The following SARS1 variants were observed in gnomAD, a reference collection of about 807,000 sequenced individuals.
SARS1 encodes the protein serine--tRNA ligase, cytoplasmic.
Under a neutral mutation model 63.7 loss-of-function variants are expected in SARS1, and 25 were observed. The ratio of observed to expected loss-of-function variants is 0.39; its 90% CI spans 0.29 to 0.55. The LOEUF is 0.55. Ranked by LOEUF, SARS1 falls within the 20% of genes least tolerant of loss-of-function variation. The pLI, the probability that SARS1 is intolerant of heterozygous loss-of-function variation, is 0.62. For missense variants in SARS1, 417 were observed against 649.7 expected (o/e 0.64, Z 3.89); for synonymous variants, 231 against 243.5 (o/e 0.95, Z 0.48).
intron 2 of SARS1, among the ~76,000 whole-genome samples, chr1:109,225,951 G>C (rs1655056886): frequency 6.6e-6 from 1 of 152,058 alleles, no homozygotes; most frequent in Non-Finnish European, 1.5e-5. Flanking sequence ...TCTGTAGTCT[G>C]TTCTTATCAA....
Position 109,237,799 on chromosome 1 carries a change from A to C in SARS1, c.1456A>C (p.Lys486Gln), listed in dbSNP as rs143565692. 6.3e-5 allele frequency: 102 copies of C among 1,614,082 alleles called. No individual in the cohort carries two copies. Among genetic ancestry groups the C allele is most frequent in the Non-Finnish European group, 7.5e-5 (89 of 1,180,030 alleles). ...GCAGGAGCCATCAAAGAAGCAGAAG[A>C]AGCAACATGAGGGCAGCAAAAAGAA... ...IEQEPSKKQKKQHEGSKKKAA... is the reference protein window; with the variant it reads ...IEQEPSKKQKQQHEGSKKKAA... Residue 486 changes from lysine (K) to glutamine (Q), a missense_variant, in exon 11 of 11, where the codon AAG (lysine) becomes CAG (glutamine). This residue lies in a region of SARS1 where 43 missense variants were observed against 68.1 expected (regional missense o/e 0.63). Coordinates refer to ENST00000234677, the MANE Select transcript of SARS1 (RefSeq NM_006513.4). This position sits in a 1 kb window ranked among gnomAD's most constrained non-coding sequence, Gnocchi z 4.1.
In SARS1 at chr1:109,235,400, G is replaced by C. The variant is rs550181025; in HGVS notation, c.938G>C (p.Arg313Pro). The change falls in exon 7 of 11, where the codon CGT becomes CCT. Residue 313 changes from arginine to proline, a missense_variant. Arg to Pro is a moderately radical substitution (Grantham distance 103). Coordinates refer to ENST00000234677, the MANE Select transcript of SARS1 (RefSeq NM_006513.4). The surrounding 1 kb of genome is among the most constrained non-coding windows in gnomAD (Gnocchi z 4.7). ...GTGGGCTCCCATGGCCGTGACACCCGTGGCATCTTCCGAGTCCATCAGTTT... is the reference window on the plus strand; with the variant it reads ...GTGGGCTCCCATGGCCGTGACACCCCTGGCATCTTCCGAGTCCATCAGTTT... ...QEVGSHGRDT[R>P]GIFRVHQFEK... 6.2e-7 allele frequency: 1 copy of C among 1,613,598 alleles called. No homozygotes were observed.
intron 2 of SARS1, among the ~76,000 whole-genome samples, chr1:109,225,633 C>T (rs931537910): frequency 4.6e-5 from 7 of 152,202 alleles, no homozygotes; most frequent in African/African-American, 1.4e-4. Context: ...GTAGAGCACT[C>T]GAAAGCATTC....
Position 109,213,924 on chromosome 1 carries a change from C to A in SARS1, c.-69C>A, listed in dbSNP as rs559313056. On this transcript the variant is annotated 5_prime_UTR_variant, in exon 1 of 11. Coordinates refer to ENST00000234677, the MANE Select transcript of SARS1 (RefSeq NM_006513.4). ...GGCGGGTCAGCGCGCCGGCGCAGTG[C>A]GGCGGTCACAGGCTGAGTGCTGCGG... is the stretch of plus-strand genomic sequence containing the variant. 2 of 1,500,916 alleles carry A rather than the reference C, an allele frequency of 1.3e-6. No homozygotes were observed. Among genetic ancestry groups the A allele is most frequent in the South Asian group, 1.3e-5 (1 of 76,508 alleles). The allele number at this position is 1,500,916 out of a possible 1,614,324, so 93.0% of individuals were successfully genotyped here. A position where few individuals can be genotyped will look rare whatever the true frequency, so the allele number is the denominator to read the frequency against.
At position 109,214,332 on chromosome 1, in the gene SARS1, A is replaced by C. The variant is rs1439579063; in HGVS notation, c.136+204A>C. On this transcript the variant is annotated intron_variant, in intron 1 of 10. Transcript: ENST00000234677. This position sits in a 1 kb window ranked among gnomAD's most constrained non-coding sequence, Gnocchi z 4.6. ...CTTTCTCCTCCACCCGGGCGGAGCGAGGTCCCTTCCACGCGTGCTCAGTGC... is the reference window on the plus strand; with the variant it reads ...CTTTCTCCTCCACCCGGGCGGAGCGCGGTCCCTTCCACGCGTGCTCAGTGC... 6.6e-6 allele frequency among the ~76,000 whole-genome samples: 1 copy of C among 152,192 alleles called. No homozygotes were observed. Among genetic ancestry groups the C allele is most frequent in the African/African-American group, 2.4e-5 (1 of 41,452 alleles).
Position 109,235,996 on chromosome 1 carries a change from C to A in SARS1, c.989C>A (p.Ser330Ter). The change falls in exon 8 of 11, where the codon TCA (serine) becomes TAA (stop). Residue 330 changes from serine (S) to a stop codon, truncating the protein, a stop_gained. Coordinates refer to ENST00000234677, the MANE Select transcript of SARS1 (RefSeq NM_006513.4). LOFTEE classifies it high-confidence loss of function. This position sits in a 1 kb window ranked among gnomAD's most constrained non-coding sequence, Gnocchi z 4.7. Reference protein sequence around the residue: ...QFEKIEQFVYSSPHDNKSWEM... With the variant: ...QFEKIEQFVY The stretch of plus-strand genomic sequence containing the variant: ...CTGCAGATTGAACAGTTTGTGTACT[C>A]ATCACCCCATGACAACAAGTCATGG... 6.2e-7 allele frequency: 1 copy of A among 1,611,958 alleles called. No homozygotes were observed. Among genetic ancestry groups the A allele is most frequent in the Non-Finnish European group, 8.5e-7 (1 of 1,178,958 alleles).
rs770747132 is a variant in SARS1 at position 109,230,850 on chromosome 1, A to G, written c.448-28A>G. The G allele has an allele frequency of 3.2e-6, 5 of 1,571,196 alleles. No homozygotes were observed. The Admixed American group carries it at 8.9e-5, about 28-fold the overall frequency. On this transcript the variant is annotated intron_variant, in intron 4 of 10. Coordinates refer to ENST00000234677, the MANE Select transcript of SARS1 (RefSeq NM_006513.4). ...AAAATAATAAAATCATATGTCTTGT[A>G]TGTCTCTTTCTTGCTCTGTTTCCTT...
At position 109,235,953 on chromosome 1, in the gene SARS1, G is replaced by GTT. The variant is rs1557720037; in HGVS notation, c.970-22_970-21dup. On this transcript the variant is annotated intron_variant, in intron 7 of 10. Transcript: ENST00000234677. The surrounding 1 kb of genome is among the most constrained non-coding windows in gnomAD (Gnocchi z 4.7). Reference sequence around the variant, plus strand: ...TTATTCACCCTATACCGCTGTCACCGTTTCCTTGGGTCCCTCTCTGCAGAT... The same window carrying GTT: ...TTATTCACCCTATACCGCTGTCACCGTTTTTCCTTGGGTCCCTCTCTGCAGAT... 2.5e-6 allele frequency: 4 copies of GTT among 1,587,096 alleles called. No individual in the cohort carries two copies. The African/African-American group carries it at 5.4e-5, about 21-fold the overall frequency.
chr1:109,214,684 C>T lies in SARS1; in HGVS notation c.136+556C>T. 1.0e-6 allele frequency: 1 copy of T among 985,622 alleles called. No homozygotes were observed. The highest frequency in any genetic ancestry group is 1.2e-6 in the Non-Finnish European group (1 of 830,046). The allele number at this position is 985,622 out of a possible 1,614,324, so 61.1% of individuals were successfully genotyped here. ...CCTGAAGCTTTTCGGAAGGCCATCC[C>T]CCGACCTATGGGCATACCTTTAAGA... is the stretch of plus-strand genomic sequence containing the variant. On this transcript the variant is annotated intron_variant, in intron 1 of 10. Coordinates refer to ENST00000234677, the MANE Select transcript of SARS1 (RefSeq NM_006513.4). The surrounding 1 kb of genome is among the most constrained non-coding windows in gnomAD (Gnocchi z 4.6).
At position 109,237,357 on chromosome 1, in the gene SARS1, G is replaced by A; in HGVS notation, c.1371G>A (p.Lys457=). The change falls in exon 10 of 11, where the codon AAG becomes AAA. Residue 457 remains lysine (K), a synonymous_variant. Transcript: ENST00000234677. This position sits in a 1 kb window ranked among gnomAD's most constrained non-coding sequence, Gnocchi z 4.1. The part of the protein sequence containing the change: ...EKGITVPEKL[K]EFMPPGLQEL... ...GCATCACTGTGCCTGAGAAATTGAA[G>A]GAGTTCATGCCGCCAGGTAAAACTC... 1 of 1,614,240 alleles carries A rather than the reference G, an allele frequency of 6.2e-7. No individual in the cohort carries two copies. Among genetic ancestry groups the A allele is most frequent in the East Asian group, 2.2e-5 (1 of 44,886 alleles).
At chr1:109,228,622 C>G (rs935464938) in intron 3 of SARS1, among the ~76,000 whole-genome samples, 190 bp downstream of exon 3, 1 of 152,070 alleles carries the variant, frequency 6.6e-6, no homozygotes, top group Non-Finnish European at 1.5e-5. Flanking sequence ...GAGATGGAGA[C>G]AGATGGAGTG....
In SARS1 at chr1:109,238,008, TGA is replaced by T; in HGVS notation, c.*124_*125del. The T allele has an allele frequency of 8.9e-7, 1 of 1,128,678 alleles. No individual in the cohort carries two copies. Among genetic ancestry groups the T allele is most frequent in the Non-Finnish European group, 1.3e-6 (1 of 784,456 alleles). 69.9% of individuals were successfully genotyped at this position (1,128,678 alleles called of 1,614,324 possible). On this transcript the variant is annotated 3_prime_UTR_variant, in exon 11 of 11. Coordinates refer to ENST00000234677, the MANE Select transcript of SARS1 (RefSeq NM_006513.4). Reference sequence around the variant, plus strand: ...CCCTGCCCCCATCTGACTGCGTAGCTGAGAGGGGAACAGTGCCATGTACCACA... The same window carrying T: ...CCCTGCCCCCATCTGACTGCGTAGCTGAGGGGAACAGTGCCATGTACCACA...
chr1:109,223,896 T>C, intron 1 of SARS1, 82 bp from the exon 2 acceptor site: 1 of 1,018,012 alleles, frequency 9.8e-7, no homozygotes, highest in Non-Finnish European at 1.6e-6. Flanking sequence ...CTGAAATCAG[T>C]ACTAAGAAGT....
At chr1:109,216,874 C>T (rs1654801615) in intron 1 of SARS1, 4 of 945,638 alleles carry the variant, frequency 4.2e-6, no homozygotes, top group Non-Finnish European at 5.0e-6. Context: ...CCTCCCACCT[C>T]GGCCTCCCAA....
At chr1:109,218,998 G>A (rs1243943852) in intron 1 of SARS1, among the ~76,000 whole-genome samples, 1 of 151,826 alleles carries the variant, frequency 6.6e-6, no homozygotes, top group African/African-American at 2.4e-5. Context: ...CGGGCGTGGT[G>A]GCTCACACCT....
At chr1:109,228,175 T>A (rs1655132776) in intron 2 of SARS1, among the ~76,000 whole-genome samples, 177 bp from the exon 3 acceptor site, 1 of 152,246 alleles carries the variant, frequency 6.6e-6, no homozygotes. Flanking sequence ...GCTTGACACT[T>A]TGACTTCTGG....
chr1:109,216,482 C>T (rs1418125092), intron 1 of SARS1: 6 of 985,162 alleles, frequency 6.1e-6, no homozygotes, highest in Non-Finnish European at 7.2e-6. Flanking sequence ...TACACTTGGG[C>T]ATATTTGTCT....
intron 2 of SARS1, among the ~76,000 whole-genome samples, chr1:109,225,539 T>C (rs7547246): frequency 0.26 from 39,807 of 152,132 alleles, 6,281 homozygotes; most frequent in African/African-American, 0.44. Flanking sequence ...CACAATAACA[T>C]TCTTAGATCT....
Position 109,214,434 on chromosome 1 carries a change from C to T in SARS1, c.136+306C>T. Reference sequence around the variant, plus strand: ...CTGCCCCAGGGGTTGCCAGAACATGCCGGGGCGGGAGGTTGTGGGGTCTAC... The same window carrying T: ...CTGCCCCAGGGGTTGCCAGAACATGTCGGGGCGGGAGGTTGTGGGGTCTAC... On this transcript the variant is annotated intron_variant, in intron 1 of 10. Coordinates refer to ENST00000234677, the MANE Select transcript of SARS1 (RefSeq NM_006513.4). This position sits in a 1 kb window ranked among gnomAD's most constrained non-coding sequence, Gnocchi z 4.6. 1 of 798,800 alleles carries T rather than the reference C, an allele frequency of 1.3e-6. No individual in the cohort carries two copies. Among genetic ancestry groups the T allele is most frequent in the Non-Finnish European group, 1.6e-6 (1 of 610,534 alleles). The allele number at this position is 798,800 out of a possible 1,614,324, so 49.5% of individuals were successfully genotyped here. A position where few individuals can be genotyped will look rare whatever the true frequency, so the allele number is the denominator to read the frequency against.
Sources: allele counts gnomAD v4.1 joint callset (sites outside exome capture counted in the v4.1 genomes callset), GRCh38; gene constraint gnomAD v4.1.1; regional missense constraint gnomAD v4.1.1; non-coding constraint Gnocchi (gnomAD v3.1); transcripts MANE v1.5; gene names NCBI Gene and HGNC (gene_info 2026-07-23, HGNC 2026-07-21).